NUP107: variants seen among roughly 807,000 people sequenced by gnomAD.
NUP107 encodes nucleoporin 107.
NUP107 carries 101 observed loss-of-function variants against 141.0 expected under a neutral mutation model. That is an observed-to-expected ratio of 0.72 (90% CI 0.61 to 0.84). The LOEUF (loss-of-function observed/expected upper bound fraction) is 0.84. NUP107 is among the 40% of genes least tolerant of loss of function. NUP107 has a pLI of 0.00. For synonymous variants in NUP107, 319 were observed against 363.9 expected (o/e 0.88, Z 1.41); for missense variants, 941 against 1,102.7 (o/e 0.85, Z 2.08).
chr12:68,703,682 C>T (rs1876444397), intron 8 of NUP107, among the ~76,000 whole-genome samples: 1 of 152,116 alleles, frequency 6.6e-6, no homozygotes, highest in Admixed American at 6.6e-5. Context: ...ATCTCCTGAC[C>T]TTGTGATCCG....
Position 68,725,791 on chromosome 12 carries a change from T to C in NUP107, c.1571T>C (p.Ile524Thr), listed in dbSNP as rs758343571. The C allele has an allele frequency of 2.1e-6, 3 of 1,458,152 alleles. No individual in the cohort carries two copies. Among genetic ancestry groups the C allele is most frequent in the South Asian group, 2.4e-5 (2 of 82,016 alleles). 90.3% of individuals were successfully genotyped at this position (1,458,152 alleles called of 1,614,324 possible). Residue 524 changes from isoleucine to threonine, a missense_variant, in exon 18 of 28, where the codon ATT (isoleucine) becomes ACT (threonine). By Grantham distance (89) the Ile-to-Thr change is moderately conservative. Coordinates refer to ENST00000229179, the MANE Select transcript of NUP107 (RefSeq NM_020401.4). Reference protein sequence around the residue: ...IVQKFLILGDIDGLMDEFSKW... With the variant: ...IVQKFLILGDTDGLMDEFSKW... ...CAAAAGTTTCTTATCCTGGGAGACA[T>C]TGATGGTAAGATATGGTTTTATTTT...
intron 14 of NUP107, 71 bp from the exon 15 acceptor site, chr12:68,721,047 C>T (rs1565697783): frequency 9.7e-7 from 1 of 1,033,948 alleles, no homozygotes; most frequent in East Asian, 2.4e-5. Flanking sequence ...TGCAAGACTC[C>T]ACATTATGAG....
At chr12:68,713,658 T>C in intron 10 of NUP107, 72 bp from the exon 11 acceptor site, 1 of 1,051,362 alleles carries the variant, frequency 9.5e-7, no homozygotes, top group Non-Finnish European at 1.4e-6. Context: ...TCCTTTGACT[T>C]GATTTGATTT....
chr12:68,718,499 G>GT (rs1163836884), intron 12 of NUP107, among the ~76,000 whole-genome samples: 1 of 152,104 alleles, frequency 6.6e-6, no homozygotes, highest in Non-Finnish European at 1.5e-5. Flanking sequence ...ATTAGAGACT[G>GT]TTTTTTTAAT....
chr12:68,724,842 TTGCC>T (rs1305519465), intron 17 of NUP107, among the ~76,000 whole-genome samples: 2 of 151,994 alleles, frequency 1.3e-5, no homozygotes, highest in Non-Finnish European at 2.9e-5. Context: ...TAGAGGGTAC[TTGCC>T]TTACTCAATA....
Position 68,732,620 on chromosome 12 carries a change from TC to T in NUP107, c.1999-13del. ...ACTCTGATATTCCTTTTTCTTTTTT[TC>T]CCCTTTAATAAATAGGAGGATCGTT... On this transcript the variant is annotated splice_polypyrimidine_tract_variant and intron_variant, in intron 22 of 27. Coordinates refer to ENST00000229179, the MANE Select transcript of NUP107 (RefSeq NM_020401.4). 3 of 1,512,046 alleles carry T rather than the reference TC, an allele frequency of 2.0e-6. No individual in the cohort carries two copies. Among genetic ancestry groups the T allele is most frequent in the Non-Finnish European group, 2.7e-6 (3 of 1,111,406 alleles). The allele number at this position is 1,512,046 out of a possible 1,614,324, so 93.7% of individuals were successfully genotyped here. A position where few individuals can be genotyped will look rare whatever the true frequency, so the allele number is the denominator to read the frequency against.
rs539628480 is a variant in NUP107, at chr12:68,719,581, C to A, written c.1178C>A (p.Thr393Lys). 222 of 1,609,278 alleles carry A rather than the reference C, an allele frequency of 1.4e-4. 2 individuals carry two copies. The South Asian group carries it at 2.2e-3, about 16-fold the overall frequency. The change falls in exon 14 of 28, where the codon ACA (threonine) becomes AAA (lysine). Residue 393 changes from threonine to lysine, a missense_variant. By Grantham distance (78) the Thr-to-Lys change is moderately conservative. Coordinates refer to ENST00000229179, the MANE Select transcript of NUP107 (RefSeq NM_020401.4). ...LYHDPNVNGG[T>K]ELEPVEGNPY... ...ATTTTCTTTTGCTATTTTATAGGAA[C>A]AGAATTAGAACCTGTTGAAGGGAAT...
rs558396701 is a variant in NUP107, at chr12:68,704,714, C to T, written c.729+1930C>T. Among the ~76,000 whole-genome samples, 620 of 151,956 alleles carry T rather than the reference C, an allele frequency of 4.1e-3. 5 individuals carry two copies. Among genetic ancestry groups the T allele is most frequent in the African/African-American group, 0.014 (569 of 41,432 alleles). ...AAGTGATCCACCTGTTTTGGCCTCCCAAAGTGCTGAGATTACAGACGTGAG... is the reference window on the plus strand; with the variant it reads ...AAGTGATCCACCTGTTTTGGCCTCCTAAAGTGCTGAGATTACAGACGTGAG... On this transcript the variant is annotated intron_variant, in intron 8 of 27. Coordinates refer to ENST00000229179, the MANE Select transcript of NUP107 (RefSeq NM_020401.4).
At chr12:68,700,953 T>C (rs575620342) in intron 7 of NUP107, 100 bp downstream of exon 7, 1 of 1,181,220 alleles carries the variant, frequency 8.5e-7, no homozygotes, top group South Asian at 1.8e-5. Context: ...GGAAATAGGT[T>C]TTGCTATTTT....
intron 12 of NUP107, among the ~76,000 whole-genome samples, chr12:68,716,204 A>AT (rs1379827365): frequency 2.5e-4 from 22 of 89,042 alleles, no homozygotes; most frequent in African/African-American, 6.4e-4. Flanking sequence ...ATCTCCATTC[A>AT]TTTTTTTTTC....
intron 7 of NUP107, among the ~76,000 whole-genome samples, chr12:68,701,679 A>C (rs1876337350): frequency 6.7e-6 from 1 of 148,804 alleles, no homozygotes; most frequent in African/African-American, 2.4e-5. Flanking sequence ...ACTCCATCTC[A>C]AAAAAAAAAT....
intron 11 of NUP107, 38 bp downstream of exon 11, chr12:68,713,846 A>G (rs1277052568): frequency 2.0e-6 from 3 of 1,537,116 alleles, no homozygotes; most frequent in Non-Finnish European, 2.7e-6. Flanking sequence ...CTTCAAAGTT[A>G]ACTGATTTTT....
intron 23 of NUP107, 53 bp from the exon 24 acceptor site, chr12:68,733,399 A>G: frequency 6.6e-7 from 1 of 1,526,540 alleles, no homozygotes; most frequent in Non-Finnish European, 8.8e-7. Context: ...CTCCTTTAGA[A>G]ACCATTACAG....
At chr12:68,723,462 G>A (rs372905472) in intron 17 of NUP107, among the ~76,000 whole-genome samples, 3 of 152,142 alleles carry the variant, frequency 2.0e-5, no homozygotes, top group East Asian at 3.8e-4. Context: ...TGAAATGGAT[G>A]CTGCATGCCT....
intron 19 of NUP107, 86 bp downstream of exon 19, chr12:68,726,703 GTT>G (rs1877582295): frequency 1.2e-6 from 1 of 851,738 alleles, no homozygotes; most frequent in Non-Finnish European, 1.9e-6. Context: ...TTTTATTATT[GTT>G]TTCTAGAAAT....
intron 27 of NUP107, 111 bp from the exon 28 acceptor site, chr12:68,742,244 C>A: frequency 1.4e-6 from 1 of 699,902 alleles, no homozygotes; most frequent in Non-Finnish European, 2.4e-6. Flanking sequence ...CTACATAAAT[C>A]TTAAAGAGGC....
rs760152794 is a variant in NUP107, at chr12:68,715,656, G to C, written c.999G>C (p.Met333Ile). The change falls in exon 12 of 28, where the codon ATG (methionine) becomes ATC (isoleucine). Residue 333 changes from methionine to isoleucine, a missense_variant. Physicochemically the swap from Met to Ile is conservative, Grantham distance 10. Transcript: ENST00000229179. ...CTGATGCTCCCATAAGACAGAAAAT[G>C]CCCCTTGATGATCTGGATAGAGAAG... Reference protein sequence around the residue: ...LDPDAPIRQKMPLDDLDREDE... With the variant: ...LDPDAPIRQKIPLDDLDREDE... 1 of 1,612,482 alleles carries C rather than the reference G, an allele frequency of 6.2e-7. No individual in the cohort carries two copies. The highest frequency in any genetic ancestry group is 1.3e-5 in the African/African-American group (1 of 74,850).
chr12:68,731,748 C>T (rs531987648), intron 22 of NUP107, 29 bp downstream of exon 22: 2 of 1,143,048 alleles, frequency 1.7e-6, no homozygotes, highest in East Asian at 5.2e-5. Context: ...GCAGAGGTTT[C>T]TATAACTTCT....
chr12:68,702,663 T>C, intron 7 of NUP107, 73 bp from the exon 8 acceptor site: 1 of 1,036,094 alleles, frequency 9.7e-7, no homozygotes, highest in Admixed American at 2.6e-5. Flanking sequence ...TTTCCTTCTC[T>C]CAGATGCTCA....
Sources: allele counts gnomAD v4.1 joint callset (sites outside exome capture counted in the v4.1 genomes callset), GRCh38; gene constraint gnomAD v4.1.1; transcripts MANE v1.5; gene names NCBI Gene and HGNC (gene_info 2026-07-23, HGNC 2026-07-21).